Variants in TANC2 observed in about 807,000 individuals in gnomAD.
TANC2 encodes the protein protein TANC2.
TANC2 carries 26 observed loss-of-function variants against 210.5 expected under a neutral mutation model. The observed-to-expected ratio is 0.12, with a 90% CI of 0.09 to 0.17. TANC2 has a LOEUF of 0.17. TANC2 is among the 10% of genes least tolerant of loss of function. TANC2 has a pLI of 1.00. For missense variants in TANC2, 2,129 were observed against 2,608.9 expected, an observed-to-expected ratio of 0.82 and a Z score of 4.01; for synonymous variants, 931 against 967.1, an observed-to-expected ratio of 0.96 and a Z score of 0.69.
intron 9 of TANC2, among the ~76,000 whole-genome samples, chr17:63,310,210 GC>G (rs1196920140): frequency 2.6e-5 from 4 of 152,178 alleles, no homozygotes. Context: ...ACTTTGGGAG[GC>G]CAAGGCAGGT....
At chr17:63,153,420 C>T (rs2039725366) in intron 5 of TANC2, 1 of 152,056 alleles carries the variant, frequency 6.6e-6, no homozygotes, top group Admixed American at 6.6e-5. Context: ...TACTTTGTCT[C>T]CCAGAGGCAA....
At chr17:63,049,370 A>T (rs1223452521) in intron 2 of TANC2, among the ~76,000 whole-genome samples, 1 of 152,178 alleles carries the variant, frequency 6.6e-6, no homozygotes, top group Non-Finnish European at 1.5e-5. Flanking sequence ...CTGTGTGAAT[A>T]TGGTGGTGGT....
chr17:63,126,870 C>G (rs2038730452), intron 4 of TANC2, among the ~76,000 whole-genome samples: 1 of 152,082 alleles, frequency 6.6e-6, no homozygotes. Context: ...ATTCTTAGGA[C>G]TCTAACAGTA....
At chr17:63,121,693 A>AT (rs1376356051) in intron 4 of TANC2, among the ~76,000 whole-genome samples, 2 of 152,076 alleles carry the variant, frequency 1.3e-5, no homozygotes, top group Non-Finnish European at 2.9e-5. Context: ...AATATACTAC[A>AT]TTTTCTCCTA....
intron 12 of TANC2, among the ~76,000 whole-genome samples, chr17:63,346,713 C>CT (rs973588045): frequency 9.2e-5 from 14 of 152,002 alleles, no homozygotes; most frequent in South Asian, 6.2e-4. Flanking sequence ...TTGTCAGTTT[C>CT]TTTTTTTTGA....
intron 12 of TANC2, among the ~76,000 whole-genome samples, chr17:63,349,380 C>T (rs1443596749): frequency 6.6e-6 from 1 of 152,036 alleles, no homozygotes; most frequent in Non-Finnish European, 1.5e-5. Flanking sequence ...AAAGAAAATC[C>T]CAACAGATGC....
chr17:63,141,766 A>G (rs2039300769), intron 4 of TANC2, among the ~76,000 whole-genome samples: 1 of 152,048 alleles, frequency 6.6e-6, no homozygotes, highest in African/African-American at 2.4e-5. Context: ...AAATTTAGGG[A>G]TGTTTTCTCT....
intron 15 of TANC2, among the ~76,000 whole-genome samples, chr17:63,383,225 A>G (rs982167968): frequency 1.3e-5 from 2 of 152,160 alleles, no homozygotes; most frequent in Non-Finnish European, 2.9e-5. Flanking sequence ...GCTGCAGTCC[A>G]TCCTTTATGT....
intron 11 of TANC2, among the ~76,000 whole-genome samples, chr17:63,333,699 A>G (rs1038026975): frequency 1.3e-5 from 2 of 152,222 alleles, no homozygotes; most frequent in African/African-American, 4.8e-5. Context: ...ATCACATACT[A>G]CAGAGAAATC....
rs1300898054 is a variant in TANC2 at position 63,412,706 on chromosome 17, C to T, written c.3925C>T (p.Arg1309Ter). 1 of 1,535,688 alleles carries T rather than the reference C, an allele frequency of 6.5e-7. No individual in the cohort carries two copies. The highest frequency in any genetic ancestry group is 8.7e-7 in the Non-Finnish European group (1 of 1,146,832). ...TTGTCAGACGTTACCGAGTCGCCCACGAGGTATATTTCACCGCTGTCAGCA... is the reference window on the plus strand; with the variant it reads ...TTGTCAGACGTTACCGAGTCGCCCATGAGGTATATTTCACCGCTGTCAGCA... The change falls in exon 24 of 28, where the codon CGA (arginine) becomes TGA (stop). Residue 1309 changes from arginine to a stop codon, truncating the protein, a stop_gained. Transcript: ENST00000689528. LOFTEE classifies it high-confidence loss of function. The surrounding 1 kb of genome is among the most constrained non-coding windows in gnomAD (Gnocchi z 4.2).
At chr17:63,357,202 T>C (rs963097530) in intron 14 of TANC2, among the ~76,000 whole-genome samples, 2 of 152,184 alleles carry the variant, frequency 1.3e-5, no homozygotes, top group Non-Finnish European at 2.9e-5. Context: ...CAGAGAAACT[T>C]TGCTAGCTGA....
Position 63,314,324 on chromosome 17 carries a change from C to T in TANC2, c.1160-64C>T. Reference sequence around the variant, plus strand: ...GTCCCTAAACCACACTGCATTTTTTCTCTCTTTGTTTCTCTCAATGTTGAC... The same window carrying T: ...GTCCCTAAACCACACTGCATTTTTTTTCTCTTTGTTTCTCTCAATGTTGAC... On this transcript the variant is annotated intron_variant, in intron 9 of 27. Coordinates refer to ENST00000689528, the Ensembl canonical transcript of TANC2. The T allele has an allele frequency of 1.8e-5, 28 of 1,566,496 alleles. No homozygotes were observed. In the Admixed American group the frequency reaches 2.0e-4, roughly 11 times the overall value.
intron 4 of TANC2, among the ~76,000 whole-genome samples, chr17:63,118,730 C>T (rs1478567507): frequency 6.6e-6 from 1 of 151,820 alleles, no homozygotes; most frequent in Non-Finnish European, 1.5e-5. Context: ...CTCCCTCACC[C>T]TATTGAGTAG....
intron 26 of TANC2, 135 bp downstream of exon 26, chr17:63,415,809 C>T: frequency 9.7e-7 from 1 of 1,029,816 alleles, no homozygotes; most frequent in Non-Finnish European, 1.4e-6. Context: ...AGAGCACTGA[C>T]ATTTGCAATT....
At chr17:63,257,270 A>G (rs1476650338) in intron 8 of TANC2, among the ~76,000 whole-genome samples, 2 of 151,410 alleles carry the variant, frequency 1.3e-5, no homozygotes, top group Admixed American at 6.6e-5. Flanking sequence ...TTCTGGCAGT[A>G]TGTTTTAATT....
At chr17:63,383,574 A>C (rs1014798662) in intron 15 of TANC2, among the ~76,000 whole-genome samples, 6 of 152,180 alleles carry the variant, frequency 3.9e-5, no homozygotes, top group Non-Finnish European at 5.9e-5. Flanking sequence ...ATATTTCACT[A>C]TAAGGATTTA....
chr17:63,351,377 T>G (rs773519341), exon 13 of TANC2: 1 of 1,610,738 alleles, frequency 6.2e-7, no homozygotes, highest in South Asian at 1.1e-5. Context: ...AGTTTCCTTC[T>G]TGGCTCAAAC....
intron 8 of TANC2, among the ~76,000 whole-genome samples, chr17:63,238,907 C>CA (rs1414448710): frequency 6.6e-6 from 1 of 152,104 alleles, no homozygotes; most frequent in Non-Finnish European, 1.5e-5. Context: ...ACCTCACTAT[C>CA]ACGAGAATAG....
intron 5 of TANC2, among the ~76,000 whole-genome samples, chr17:63,156,877 G>C (rs954896061): frequency 1.3e-5 from 2 of 152,064 alleles, no homozygotes; most frequent in Non-Finnish European, 2.9e-5. Context: ...TTTTTGTAGA[G>C]ACAGGGTCTC....
Sources: allele counts gnomAD v4.1 joint callset (sites outside exome capture counted in the v4.1 genomes callset), GRCh38; gene constraint gnomAD v4.1.1; non-coding constraint Gnocchi (gnomAD v3.1); transcripts MANE v1.5; gene names NCBI Gene and HGNC (gene_info 2026-07-23, HGNC 2026-07-21).